INPP4B: variants seen among roughly 807,000 people sequenced by gnomAD.
The protein encoded by INPP4B is inositol polyphosphate 4-phosphatase type II.
Under a neutral mutation model 122.5 loss-of-function variants are expected in INPP4B, and 55 were observed. That is an observed-to-expected ratio of 0.45 (90% CI 0.36 to 0.56). The LOEUF (loss-of-function observed/expected upper bound fraction) is 0.56, where lower values mean the gene tolerates loss of function less well. Among genes scored for constraint, INPP4B ranks in the 20% least tolerant of loss-of-function variants. The pLI, the probability that INPP4B is intolerant of heterozygous loss-of-function variation, is 0.00. For synonymous variants in INPP4B, 403 were observed against 388.7 expected (o/e 1.04, Z -0.43); for missense variants, 1,000 against 1,097.7 (o/e 0.91, Z 1.26).
intron 5 of INPP4B, among the ~76,000 whole-genome samples, chr4:142,419,347 GA>G (rs1488964403): frequency 6.6e-6 from 1 of 152,126 alleles, no homozygotes; most frequent in Non-Finnish European, 1.5e-5. Context: ...GTGGGCCTTG[GA>G]ATTGCTTAGA....
At position 142,183,823 on chromosome 4, in the gene INPP4B, TA is replaced by T. The variant is rs539690753; in HGVS notation, c.1181+9263del. Among the ~76,000 whole-genome samples the T allele has an allele frequency of 2.2e-4, 34 of 152,288 alleles. No homozygotes were observed. The East Asian group carries it at 6.4e-3, about 29-fold the overall frequency. Reference sequence around the variant, plus strand: ...CATATTATCTTTATATATTTAGTTTTAAAAATAAACAGACAAAATGTATTTT... The same window carrying T: ...CATATTATCTTTATATATTTAGTTTTAAAATAAACAGACAAAATGTATTTT... On this transcript the variant is annotated intron_variant, in intron 15 of 25. Transcript: ENST00000262992.
chr4:142,228,117 A>T (rs60955029), intron 12 of INPP4B, among the ~76,000 whole-genome samples: 21,280 of 145,642 alleles, frequency 0.15, 1,816 homozygotes, highest in African/African-American at 0.24. Context: ...CATCACAAAT[A>T]TTTTTTTATC....
At chr4:142,302,880 T>C (rs1370459815) in intron 9 of INPP4B, among the ~76,000 whole-genome samples, 2 of 152,044 alleles carry the variant, frequency 1.3e-5, no homozygotes, top group Non-Finnish European at 2.9e-5. Flanking sequence ...ATGTAGACAA[T>C]ATTATTAAAG....
At chr4:142,277,877 G>A (rs1224996240) in intron 9 of INPP4B, among the ~76,000 whole-genome samples, 1 of 151,916 alleles carries the variant, frequency 6.6e-6, no homozygotes, top group Non-Finnish European at 1.5e-5. Flanking sequence ...AAAGGCACAA[G>A]AATGGTACAA....
At chr4:142,683,974 A>G (rs1185202806) in intron 2 of INPP4B, among the ~76,000 whole-genome samples, 1 of 151,966 alleles carries the variant, frequency 6.6e-6, no homozygotes, top group African/African-American at 2.4e-5. Flanking sequence ...CAAACATACA[A>G]AGGCAAAGGA....
chr4:142,744,087 T>C (rs1376314417), intron 1 of INPP4B, among the ~76,000 whole-genome samples: 2 of 151,804 alleles, frequency 1.3e-5, no homozygotes, highest in African/African-American at 2.4e-5. Context: ...ATAGTCTTAA[T>C]GAAAGAACAG....
intron 2 of INPP4B, among the ~76,000 whole-genome samples, chr4:142,600,238 G>T (rs1359674959): frequency 6.6e-6 from 1 of 152,104 alleles, no homozygotes; most frequent in Non-Finnish European, 1.5e-5. Context: ...TAAAATCAAT[G>T]ATAGGCACTT....
chr4:142,714,103 A>G (rs1405975665), intron 2 of INPP4B, among the ~76,000 whole-genome samples: 1 of 152,230 alleles, frequency 6.6e-6, no homozygotes, highest in African/African-American at 2.4e-5. Context: ...TGTGCATCAT[A>G]CAATTACATC....
At chr4:142,417,316 T>C (rs1805977749) in intron 5 of INPP4B, among the ~76,000 whole-genome samples, 1 of 152,154 alleles carries the variant, frequency 6.6e-6, no homozygotes, top group South Asian at 2.1e-4. Flanking sequence ...TAAGGTCTTC[T>C]TGGCAGTTCT....
At chr4:142,192,226 T>G (rs1836181322) in intron 15 of INPP4B, among the ~76,000 whole-genome samples, 1 of 149,812 alleles carries the variant, frequency 6.7e-6, no homozygotes, top group Non-Finnish European at 1.5e-5. Context: ...GCTTATTACT[T>G]CGGTGGCAAA....
Position 142,130,493 on chromosome 4 carries a change from C to T in INPP4B, c.1721-5733G>A, listed in dbSNP as rs189689263. Among the ~76,000 whole-genome samples the T allele has an allele frequency of 1.1e-4, 17 of 152,050 alleles. No individual in the cohort carries two copies. In the East Asian group the frequency reaches 3.3e-3, roughly 29 times the overall value. ...CGATAGGGGTGGGGATAAAGGACGG[C>T]GCAGAGGATATGTGAACAGGGCAAG... On this transcript the variant is annotated intron_variant, in intron 18 of 25. Transcript: ENST00000262992.
chr4:142,307,738 T>C (rs1763970074), intron 8 of INPP4B, among the ~76,000 whole-genome samples: 1 of 152,192 alleles, frequency 6.6e-6, no homozygotes, highest in East Asian at 1.9e-4. Context: ...AGCTTTTAAA[T>C]TAAATTCCCA....
chr4:142,065,814 G>A (rs1763229584), intron 25 of INPP4B, among the ~76,000 whole-genome samples: 1 of 152,126 alleles, frequency 6.6e-6, no homozygotes, highest in South Asian at 2.1e-4. Context: ...CCTATAATAT[G>A]TTCACTAGTT....
chr4:142,702,117 C>T (rs1761862365), intron 2 of INPP4B, among the ~76,000 whole-genome samples: 2 of 152,072 alleles, frequency 1.3e-5, no homozygotes, highest in Non-Finnish European at 2.9e-5. Flanking sequence ...TGGCTTGTAA[C>T]CCCACACACA....
At chr4:142,364,813 A>G (rs1786803949) in intron 7 of INPP4B, among the ~76,000 whole-genome samples, 1 of 152,078 alleles carries the variant, frequency 6.6e-6, no homozygotes, top group African/African-American at 2.4e-5. Flanking sequence ...TCCCCAAGAG[A>G]GAATCAGCTA....
chr4:142,400,523 G>T (rs1316818148), intron 7 of INPP4B, among the ~76,000 whole-genome samples: 1 of 152,062 alleles, frequency 6.6e-6, no homozygotes, highest in Admixed American at 6.5e-5. Context: ...CTTAAGAAAT[G>T]AAAGAAAGGG....
chr4:142,063,019 G>A (rs1043740283), intron 25 of INPP4B, among the ~76,000 whole-genome samples: 5 of 152,126 alleles, frequency 3.3e-5, no homozygotes, highest in African/African-American at 4.8e-5. Context: ...AGATTTATTG[G>A]TTCCAATGGA....
Position 142,044,083 on chromosome 4 carries a change from G to GAA in INPP4B, c.2643-15171_2643-15170dup, listed in dbSNP as rs1381046394. ...AATTAAGATTTTAGATAGAAGATCA[G>GAA]AAAGAAAAAATTTAAAAAGTTATTT... On this transcript the variant is annotated intron_variant, in intron 25 of 25. Coordinates refer to ENST00000262992, the MANE Select transcript of INPP4B (RefSeq NM_001101669.3). Among the ~76,000 whole-genome samples the GAA allele has an allele frequency of 4.3e-4, 17 of 39,634 alleles. No individual in the cohort carries two copies. The Admixed American group carries it at 5.8e-3, about 14-fold the overall frequency. The allele number at this position is 39,634 out of a possible 152,430, so 26.0% of individuals were successfully genotyped here.
intron 25 of INPP4B, among the ~76,000 whole-genome samples, chr4:142,077,027 G>C (rs1365425187): frequency 6.6e-6 from 1 of 152,006 alleles, no homozygotes; most frequent in South Asian, 2.1e-4. Flanking sequence ...AATTGGTTAA[G>C]AGTCATTTAC....
Sources: gnomAD v4.1 joint callset for allele counts (sites outside exome capture counted in the v4.1 genomes callset) on GRCh38, gnomAD v4.1.1 for gene constraint, MANE v1.5 for transcripts, NCBI Gene and HGNC (gene_info 2026-07-23, HGNC 2026-07-21) for gene names.